Variants in SCN1A observed in about 807,000 individuals in gnomAD.
The protein encoded by SCN1A is sodium channel protein type 1 subunit alpha.
SCN1A carries 13 observed loss-of-function variants against 193.7 expected under a neutral mutation model. That is an observed-to-expected ratio of 0.07 (90% CI 0.04 to 0.11). The LOEUF (loss-of-function observed/expected upper bound fraction) is 0.11. Ranked by LOEUF, SCN1A falls within the 10% of genes least tolerant of loss-of-function variation. The pLI is 1.00. For synonymous variants in SCN1A, 781 were observed against 843.6 expected (o/e 0.93, Z 1.29); for missense variants, 1,432 against 2,451.1 (o/e 0.58, Z 8.78).
At chr2:166,097,248 G>A (rs1234449038) in intron 2 of SCN1A, among the ~76,000 whole-genome samples, 4 of 151,542 alleles carry the variant, frequency 2.6e-5, no homozygotes, top group African/African-American at 7.3e-5. Flanking sequence ...TCTTGAACTC[G>A]TGAGCTCAAG....
chr2:166,049,101 T>C (rs1698225923), intron 9 of SCN1A, 152 bp from the exon 10 acceptor site: 1 of 639,516 alleles, frequency 1.6e-6, no homozygotes, highest in South Asian at 1.8e-5. Flanking sequence ...CTTCTCCCTC[T>C]AAATTCTAGA....
At chr2:166,058,296 G>T (rs1699320892) in intron 5 of SCN1A, among the ~76,000 whole-genome samples, 2 of 151,906 alleles carry the variant, frequency 1.3e-5, no homozygotes, top group Admixed American at 1.3e-4. Context: ...CTTTAGATTT[G>T]TAGGATTCAA....
chr2:166,001,493 A>C (rs1690836540), intron 24 of SCN1A, among the ~76,000 whole-genome samples: 2 of 151,764 alleles, frequency 1.3e-5, no homozygotes, highest in South Asian at 4.1e-4. Context: ...CTGGTTGAAC[A>C]GTTGAAATCA....
At chr2:166,065,747 A>G (rs1683772487) in intron 4 of SCN1A, among the ~76,000 whole-genome samples, 1 of 152,128 alleles carries the variant, frequency 6.6e-6, no homozygotes, top group Non-Finnish European at 1.5e-5. Flanking sequence ...TCCTTAAGCC[A>G]CAGATTACAA....
At position 165,987,751 on chromosome 2, in the gene SCN1A, T is replaced by C. The variant is rs562348699; in HGVS notation, c.*3494A>G. 6.6e-6 allele frequency: 1 copy of C among 152,268 alleles called. No individual in the cohort carries two copies. The highest frequency in any genetic ancestry group is 2.4e-5 in the African/African-American group (1 of 41,548). The allele number at this position is 152,268 out of a possible 1,614,324, so 9.4% of individuals were successfully genotyped here. On this transcript the variant is annotated 3_prime_UTR_variant, in exon 29 of 29. Coordinates refer to ENST00000674923, the MANE Select transcript of SCN1A (RefSeq NM_001165963.4). Reference sequence around the variant, plus strand: ...TTACTTTTTAGCACAGAAAATATCATGCCAAATATTTCAAAATGAATATGG... The same window carrying C: ...TTACTTTTTAGCACAGAAAATATCACGCCAAATATTTCAAAATGAATATGG...
At chr2:166,077,251 A>T (rs1685075692) in intron 3 of SCN1A, 1 of 151,878 alleles carries the variant, frequency 6.6e-6, no homozygotes, top group South Asian at 2.1e-4. Context: ...TCTGTGAAAG[A>T]TACTATCAAG....
chr2:166,100,165 A>G (rs1687883085), intron 2 of SCN1A, among the ~76,000 whole-genome samples: 1 of 138,642 alleles, frequency 7.2e-6, no homozygotes, highest in South Asian at 2.3e-4. Flanking sequence ...CAAAACAGAG[A>G]TATAGATCAA....
At chr2:166,054,237 A>C (rs1325215187) in intron 7 of SCN1A, among the ~76,000 whole-genome samples, 1 of 152,070 alleles carries the variant, frequency 6.6e-6, no homozygotes, top group South Asian at 2.1e-4. Flanking sequence ...GTGTAATATC[A>C]GCAAGGTCAT....
intron 17 of SCN1A, among the ~76,000 whole-genome samples, chr2:166,038,484 G>T (rs978196138): frequency 6.6e-6 from 1 of 151,960 alleles, no homozygotes; most frequent in Non-Finnish European, 1.5e-5. Context: ...GGGACTACAG[G>T]CACGTGCCAC....
At chr2:166,112,111 A>C (rs1409954634) in intron 2 of SCN1A, among the ~76,000 whole-genome samples, 1 of 152,208 alleles carries the variant, frequency 6.6e-6, no homozygotes, top group Non-Finnish European at 1.5e-5. Flanking sequence ...TTTTGAAACA[A>C]GTTATACTGT....
chr2:166,049,151 T>C (rs1698235431), intron 9 of SCN1A, among the ~76,000 whole-genome samples: 1 of 88,210 alleles, frequency 1.1e-5, no homozygotes, highest in East Asian at 2.9e-4. Context: ...TATTTCTTCA[T>C]TATGAAGAAA....
chr2:166,118,298 G>GCTTTTTTTTTTTTT (rs371947861), intron 2 of SCN1A, among the ~76,000 whole-genome samples: 1 of 44,696 alleles, frequency 2.2e-5, no homozygotes, highest in African/African-American at 7.3e-5. Flanking sequence ...TTTCTATTTA[G>GCTTTTTTTTTTTTT]TTTCTTTTTT....
chr2:166,094,839 G>C (rs754007228), intron 2 of SCN1A, among the ~76,000 whole-genome samples: 1 of 152,124 alleles, frequency 6.6e-6, no homozygotes, highest in Non-Finnish European at 1.5e-5. Context: ...TTCCTGTGTA[G>C]TCTATGGGAT....
intron 1 of SCN1A, among the ~76,000 whole-genome samples, chr2:166,137,962 A>G (rs975817466): frequency 6.6e-6 from 1 of 152,154 alleles, no homozygotes; most frequent in East Asian, 1.9e-4. Flanking sequence ...ACTTGTTGGG[A>G]ACTGGAGCAA....
Position 165,990,608 on chromosome 2 carries a change from A to G in SCN1A, c.*637T>C, listed in dbSNP as rs577536601. On this transcript the variant is annotated 3_prime_UTR_variant, in exon 29 of 29. Coordinates refer to ENST00000674923, the MANE Select transcript of SCN1A (RefSeq NM_001165963.4). ...TATCACCCAATTACCCCTCCCAGAA[A>G]TATGGTGAAATTTAAGAATTTGTTT... The G allele has an allele frequency of 6.5e-6, 1 of 153,014 alleles. No homozygotes were observed. Among genetic ancestry groups the G allele is most frequent in the African/African-American group, 2.4e-5 (1 of 41,546 alleles). 9.5% of individuals were successfully genotyped at this position (153,014 alleles called of 1,614,324 possible).
intron 5 of SCN1A, 22 bp downstream of exon 5, chr2:166,058,548 T>C (rs183438896): frequency 1.9e-5 from 25 of 1,297,896 alleles, no homozygotes; most frequent in Admixed American, 3.4e-5. Flanking sequence ...ATAGTTAATA[T>C]TAATCACTTG....
intron 24 of SCN1A, among the ~76,000 whole-genome samples, chr2:166,002,125 G>T (rs1690959094): frequency 6.6e-6 from 1 of 151,412 alleles, no homozygotes; most frequent in Middle Eastern, 3.2e-3. Context: ...TTCCGTTTTG[G>T]TAGCTGATCA....
chr2:166,102,032 A>G (rs1688139468), intron 2 of SCN1A, among the ~76,000 whole-genome samples: 1 of 152,224 alleles, frequency 6.6e-6, no homozygotes, highest in East Asian at 1.9e-4. Flanking sequence ...CAACAAGTGA[A>G]AAACAACCCC....
intron 3 of SCN1A, among the ~76,000 whole-genome samples, chr2:166,075,979 A>T (rs1684948047): frequency 6.6e-6 from 1 of 151,974 alleles, no homozygotes; most frequent in Non-Finnish European, 1.5e-5. Flanking sequence ...GCAACTGCTT[A>T]TTTAAAAACA....
Sources: gnomAD v4.1 joint callset for allele counts (sites outside exome capture counted in the v4.1 genomes callset) on GRCh38, gnomAD v4.1.1 for gene constraint, MANE v1.5 for transcripts, NCBI Gene and HGNC (gene_info 2026-07-23, HGNC 2026-07-21) for gene names.